The following AVEN variants were observed in gnomAD, a reference collection of about 807,000 sequenced individuals.
The protein encoded by AVEN is apoptosis and caspase activation inhibitor, also known as cell death regulator Aven.
A neutral mutation model predicts 38.1 loss-of-function variants in AVEN; 41 were observed. The ratio of observed to expected loss-of-function variants is 1.08; its 90% confidence interval spans 0.84 to 1.40. The LOEUF (loss-of-function observed/expected upper bound fraction) is 1.40, where lower values mean the gene tolerates loss of function less well. Ranked by LOEUF, AVEN falls within the 40% of genes most tolerant of loss-of-function variation. The pLI is 0.00. For synonymous variants in AVEN, 206 were observed against 171.8 expected, an observed-to-expected ratio of 1.20 and a Z score of -1.56; for missense variants, 605 against 438.8, an observed-to-expected ratio of 1.38 and a Z score of -3.38.
intron 3 of AVEN, chr15:34,066,270 A>G (rs963079608): frequency 6.6e-6 from 1 of 152,248 alleles, no homozygotes; most frequent in Non-Finnish European, 1.5e-5. Context: ...CTGCTCTACC[A>G]GCGCCAGATA....
downstream of AVEN, chr15:33,854,940 A>G (rs191387535): frequency 4.4e-5 from 70 of 1,590,720 alleles, 1 homozygote; most frequent in East Asian, 1.6e-3. Context: ...GCAGAACAGA[A>G]TGGACCTGTA....
At chr15:34,006,324 A>C (rs1484738955) in intron 1 of AVEN, among the ~76,000 whole-genome samples, 1 of 151,848 alleles carries the variant, frequency 6.6e-6, no homozygotes, top group South Asian at 2.1e-4. Flanking sequence ...AAAAAAAAAA[A>C]CAGCCTTGTA....
At chr15:33,912,100 C>A (rs1892939157) in intron 2 of AVEN, among the ~76,000 whole-genome samples, 3 of 152,198 alleles carry the variant, frequency 2.0e-5, no homozygotes, top group Admixed American at 2.0e-4. Context: ...TTTAACTCAG[C>A]TTCACAACTT....
At chr15:33,888,101 G>A (rs1891777446) in intron 2 of AVEN, among the ~76,000 whole-genome samples, 1 of 151,858 alleles carries the variant, frequency 6.6e-6, no homozygotes, top group Admixed American at 6.6e-5. Flanking sequence ...GAATGGGTGA[G>A]ACCTATATGA....
chr15:33,904,692 A>T (rs59143904), intron 2 of AVEN, among the ~76,000 whole-genome samples: 21 of 104,596 alleles, frequency 2.0e-4, no homozygotes, highest in East Asian at 8.7e-4. Flanking sequence ...TAAAAAAAAA[A>T]AAATATATAT....
intron 2 of AVEN, among the ~76,000 whole-genome samples, chr15:33,942,074 C>T (rs988848440): frequency 2.6e-5 from 4 of 152,164 alleles, no homozygotes; most frequent in Non-Finnish European, 4.4e-5. Flanking sequence ...ATCGTTACAG[C>T]ACTTGAAGAC....
chr15:33,860,832 C>G (rs1178968354), intron 11 of AVEN, among the ~76,000 whole-genome samples: 6 of 152,192 alleles, frequency 3.9e-5, no homozygotes, highest in Non-Finnish European at 4.4e-5. Context: ...GCCGGCCACT[C>G]TGCTGCCTCC....
rs114244536 is a variant in AVEN at position 33,885,880 on chromosome 15, G to T, written c.446-9885C>A. 13 of 152,294 alleles carry T rather than the reference G, an allele frequency of 8.5e-5. No individual in the cohort carries two copies. The East Asian group carries it at 2.5e-3, about 29-fold the overall frequency. The allele number at this position is 152,294 out of a possible 1,614,324, so 9.4% of individuals were successfully genotyped here. On this transcript the variant is annotated intron_variant, in intron 2 of 5. Transcript: ENST00000306730. Reference sequence around the variant, plus strand: ...ACTATTCTGTTAACCCTGTACCACTGTATATGACCTAGTAAAAATTGTCAG... The same window carrying T: ...ACTATTCTGTTAACCCTGTACCACTTTATATGACCTAGTAAAAATTGTCAG...
intron 2 of AVEN, among the ~76,000 whole-genome samples, chr15:33,922,002 TCTC>T (rs1002041497): frequency 2.0e-5 from 3 of 152,152 alleles, no homozygotes; most frequent in African/African-American, 7.2e-5. Flanking sequence ...CCTGGTCAAT[TCTC>T]CTTGTAAACA....
rs1899304576 is a variant in AVEN, at chr15:34,038,834, G to C, written c.213C>G (p.Ala71=). The change falls in exon 1 of 6, where the codon GCC becomes GCG. Residue 71 remains alanine, a synonymous_variant. Coordinates refer to ENST00000306730, the MANE Select transcript of AVEN (RefSeq NM_020371.3). ...CCGGCTCCCGGCGGCTGCCTCGCGG[G>C]GCGCCTCCTCCTCCTCGGCCTCCGC... is the stretch of plus-strand genomic sequence containing the variant. The part of the protein sequence containing the change: ...GARGGRGGGG[A]PRGSRREPGG... 4 of 1,189,044 alleles carry C rather than the reference G, an allele frequency of 3.4e-6. No homozygotes were observed. Among genetic ancestry groups the C allele is most frequent in the Non-Finnish European group, 4.2e-6 (4 of 960,834 alleles). The allele number at this position is 1,189,044 out of a possible 1,614,324, so 73.7% of individuals were successfully genotyped here.
chr15:33,892,562 C>A (rs1892030939), intron 2 of AVEN, among the ~76,000 whole-genome samples: 1 of 152,112 alleles, frequency 6.6e-6, no homozygotes, highest in African/African-American at 2.4e-5. Context: ...TTTCTGAGGG[C>A]TTTGTTCTGT....
At chr15:34,015,374 C>A (rs1027536331) in intron 1 of AVEN, among the ~76,000 whole-genome samples, 1 of 151,878 alleles carries the variant, frequency 6.6e-6, no homozygotes. Flanking sequence ...TCCAGCTACT[C>A]GGGAGGCTGA....
At chr15:33,918,458 C>CTTTTTTTTTTTTTTTTTTTTTTTT (rs33928063) in intron 2 of AVEN, among the ~76,000 whole-genome samples, 1 of 84,482 alleles carries the variant, frequency 1.2e-5, no homozygotes, top group African/African-American at 4.9e-5. Context: ...TAAATTACAG[C>CTTTTTTTTTTTTTTTTTTTTTTTT]TTTTTTTTTT....
In AVEN at chr15:33,880,036, G is replaced by C. The variant is rs948122035; in HGVS notation, c.446-4041C>G. 2.6e-5 allele frequency among the ~76,000 whole-genome samples: 4 copies of C among 152,198 alleles called. No individual in the cohort carries two copies. In the East Asian group the frequency reaches 7.7e-4, roughly 29 times the overall value. ...ATGTGAATATATAATAGCACCTGAA[G>C]GTAGATTTTGGTAAGTTATGTATTT... On this transcript the variant is annotated intron_variant, in intron 2 of 5. Coordinates refer to ENST00000306730, the MANE Select transcript of AVEN (RefSeq NM_020371.3).
At chr15:34,055,252 A>C (rs1245049105) in intron 5 of AVEN, among the ~76,000 whole-genome samples, 1 of 150,216 alleles carries the variant, frequency 6.7e-6, no homozygotes, top group African/African-American at 2.5e-5. Flanking sequence ...TAATCCCAGC[A>C]TTTGGGAGGC....
chr15:33,988,249 T>A (rs1896562891), intron 2 of AVEN, among the ~76,000 whole-genome samples: 1 of 152,262 alleles, frequency 6.6e-6, no homozygotes, highest in Admixed American at 6.5e-5. Context: ...TAGTTTTTTT[T>A]AGTTTCAGAT....
chr15:34,001,211 G>A (rs1038775156), intron 2 of AVEN, among the ~76,000 whole-genome samples: 2 of 151,696 alleles, frequency 1.3e-5, no homozygotes, highest in East Asian at 1.9e-4. Flanking sequence ...TAGTAGAAAC[G>A]GGGTTTCACT....
At chr15:33,874,267 A>G (rs1891129737) in intron 3 of AVEN, among the ~76,000 whole-genome samples, 1 of 152,162 alleles carries the variant, frequency 6.6e-6, no homozygotes, top group Non-Finnish European at 1.5e-5. Context: ...GTGAAGCAAT[A>G]GAGAAGGAAA....
chr15:34,016,864 C>T (rs1261093637), intron 1 of AVEN, among the ~76,000 whole-genome samples: 1 of 152,208 alleles, frequency 6.6e-6, no homozygotes, highest in African/African-American at 2.4e-5. Flanking sequence ...TGTGGTGGCA[C>T]ACGCCTGTAA....
Sources: allele counts gnomAD v4.1 joint callset (sites outside exome capture counted in the v4.1 genomes callset), GRCh38; gene constraint gnomAD v4.1.1; transcripts MANE v1.5; gene names NCBI Gene and HGNC (gene_info 2026-07-23, HGNC 2026-07-21).